CLPSL2: variants seen among roughly 807,000 people sequenced by gnomAD.
CLPSL2 encodes colipase-like protein 2.
Under a neutral mutation model 7.9 loss-of-function variants are expected in CLPSL2, and 4 were observed. That is an observed-to-expected ratio of 0.50 (90% confidence interval 0.25 to 1.15). The LOEUF (loss-of-function observed/expected upper bound fraction) is 1.15, where lower values mean the gene tolerates loss of function less well. Among genes scored for constraint, CLPSL2 ranks in the 50% most tolerant of loss-of-function variants. The pLI is 0.15. For synonymous variants in CLPSL2, 67 were observed against 53.1 expected, an observed-to-expected ratio of 1.26 and a Z score of -1.14; for missense variants, 132 against 136.6, an observed-to-expected ratio of 0.97 and a Z score of 0.17.
Position 35,776,722 on chromosome 6 carries a change from C to T in CLPSL2, c.84+20C>T. On this transcript the variant is annotated intron_variant, in intron 1 of 2. Transcript: ENST00000403376. ...AAAAAGGTGAGCCGGGGAGCGCGCCCAGCCGGCCGCGACCGCAGGAGAGGG... is the reference window on the plus strand; with the variant it reads ...AAAAAGGTGAGCCGGGGAGCGCGCCTAGCCGGCCGCGACCGCAGGAGAGGG... 7.3e-7 allele frequency: 1 copy of T among 1,367,534 alleles called. No homozygotes were observed. The highest frequency in any genetic ancestry group is 9.4e-7 in the Non-Finnish European group (1 of 1,064,802). The allele number at this position is 1,367,534 out of a possible 1,614,324, so 84.7% of individuals were successfully genotyped here.
chr6:35,779,330 C>G (rs9470092), intron 2 of CLPSL2, 25 bp from the exon 3 acceptor site: 48,507 of 1,528,858 alleles, frequency 0.032, 941 homozygotes, highest in Middle Eastern at 0.078. Flanking sequence ...TGGTGACTCC[C>G]GATTCTCATA....
At chr6:35,777,817 C>T (rs769877959) in intron 2 of CLPSL2, 61 of 717,562 alleles carry the variant, frequency 8.5e-5, no homozygotes, top group Non-Finnish European at 1.4e-4. Context: ...ATGTATCTCC[C>T]TAACTGGCCA....
At position 35,777,398 on chromosome 6, in the gene CLPSL2, A is replaced by T. The variant is rs117206330; in HGVS notation, c.85-61A>T. 1,188 of 1,580,210 alleles carry T rather than the reference A, an allele frequency of 7.5e-4. 15 individuals carry two copies. The East Asian group carries it at 0.025, about 33-fold the overall frequency. On this transcript the variant is annotated intron_variant, in intron 1 of 2. Coordinates refer to ENST00000403376, the MANE Select transcript of CLPSL2 (RefSeq NM_207409.4). ...TTGGCAATGGTGGGAACCCTCCCCT[A>T]CCCGCCCACACGACTCAGGGATTGC... is the stretch of plus-strand genomic sequence containing the variant.
intron 2 of CLPSL2, 182 bp downstream of exon 2, chr6:35,777,763 C>T: frequency 1.4e-6 from 1 of 729,204 alleles, no homozygotes. Context: ...GAAGGCTTCC[C>T]TCCTTGGAGC....
intron 2 of CLPSL2, among the ~76,000 whole-genome samples, chr6:35,778,901 C>T (rs1321271027): frequency 6.6e-6 from 1 of 152,112 alleles, no homozygotes; most frequent in East Asian, 1.9e-4. Flanking sequence ...TCAAGCAATT[C>T]CTCTGCCTCA....
At chr6:35,776,730 C>T (rs768211863) in intron 1 of CLPSL2, 28 bp downstream of exon 1, 11 of 1,361,394 alleles carry the variant, frequency 8.1e-6, no homozygotes, top group Non-Finnish European at 1.0e-5. Context: ...CCCAGCCGGC[C>T]GCGACCGCAG....
intron 2 of CLPSL2, 67 bp downstream of exon 2, chr6:35,777,648 A>T (rs1767871442): frequency 1.4e-6 from 2 of 1,446,518 alleles, no homozygotes; most frequent in Admixed American, 2.4e-5. Context: ...AAAAAAAAAC[A>T]CCTGGCCCCA....
At chr6:35,777,713 C>T in intron 2 of CLPSL2, 132 bp downstream of exon 2, 1 of 1,082,264 alleles carries the variant, frequency 9.2e-7, no homozygotes, top group Non-Finnish European at 1.3e-6. Flanking sequence ...TTGGCAAACT[C>T]CTACTCATGG....
At chr6:35,778,682 G>A (rs952921148) in intron 2 of CLPSL2, among the ~76,000 whole-genome samples, 1 of 152,260 alleles carries the variant, frequency 6.6e-6, no homozygotes, top group Non-Finnish European at 1.5e-5. Flanking sequence ...ACCTTTCTAG[G>A]ATGGATGGAC....
In CLPSL2 at chr6:35,779,367, AC is replaced by A; in HGVS notation, c.222del (p.Asn75ThrfsTer10). ...MICLPQTKGA[T>X]NIICPCRMGL... is the part of the protein sequence containing the mutation. ...CCACTCCCTGCAGACCAAGGGAGCT[AC>A]CAACATCATCTGCCCTTGCCGGATG... On this transcript the variant is annotated frameshift_variant, in exon 3 of 3. Coordinates refer to ENST00000403376, the MANE Select transcript of CLPSL2 (RefSeq NM_207409.4). LOFTEE classifies it low-confidence loss of function (END_TRUNC). 2 of 1,573,658 alleles carry A rather than the reference AC, an allele frequency of 1.3e-6. No homozygotes were observed. Among genetic ancestry groups the A allele is most frequent in the African/African-American group, 1.3e-5 (1 of 74,240 alleles).
rs1303384466 is a variant in CLPSL2, at chr6:35,776,692, A to G, written c.74A>G (p.Gln25Arg). The G allele has an allele frequency of 3.4e-6, 5 of 1,457,590 alleles. No homozygotes were observed. The highest frequency in any genetic ancestry group is 4.5e-6 in the Non-Finnish European group (5 of 1,113,130). The allele number at this position is 1,457,590 out of a possible 1,614,324, so 90.3% of individuals were successfully genotyped here. ...CTGCCCCTCTGGAGCGCGCTTCCGC[A>G]ATATAAAAAGGTGAGCCGGGGAGCG... The part of the protein sequence containing the change: ...AVLPLWSALP[Q>R]YKKKITDRCF... Residue 25 changes from glutamine (Q) to arginine (R), a missense_variant, in exon 1 of 3, where the codon CAA becomes CGA. Gln to Arg is a conservative substitution (Grantham distance 43). Coordinates refer to ENST00000403376, the MANE Select transcript of CLPSL2 (RefSeq NM_207409.4).
intron 1 of CLPSL2, 60 bp from the exon 2 acceptor site, chr6:35,777,399 C>T: frequency 1.3e-6 from 2 of 1,496,680 alleles, no homozygotes; most frequent in African/African-American, 2.7e-5. Flanking sequence ...CCCTCCCCTA[C>T]CCGCCCACAC....
At chr6:35,779,318 C>T in intron 2 of CLPSL2, 37 bp from the exon 3 acceptor site, 1 of 1,507,240 alleles carries the variant, frequency 6.6e-7, no homozygotes, top group Non-Finnish European at 9.0e-7. Context: ...CTTCCTGCAT[C>T]CTGGTGACTC....
intron 2 of CLPSL2, chr6:35,777,987 G>T (rs142385981): frequency 1.7e-5 from 12 of 697,072 alleles, no homozygotes; most frequent in Non-Finnish European, 2.9e-5. Flanking sequence ...ATGGAGTCTC[G>T]CTCTGTCACC....
chr6:35,776,641 T>A lies in CLPSL2; in HGVS notation c.23T>A (p.Val8Glu). The A allele has an allele frequency of 6.7e-7, 1 of 1,497,288 alleles. No individual in the cohort carries two copies. The highest frequency in any genetic ancestry group is 1.2e-5 in the South Asian group (1 of 80,672). The allele number at this position is 1,497,288 out of a possible 1,614,324, so 92.8% of individuals were successfully genotyped here. The change falls in exon 1 of 3, where the codon GTG (valine) becomes GAG (glutamate). Residue 8 changes from valine (V) to glutamate (E), a missense_variant. Val to Glu is a moderately radical substitution (Grantham distance 121). Coordinates refer to ENST00000403376, the MANE Select transcript of CLPSL2 (RefSeq NM_207409.4). ...CCCATGGCCGCAGCCCTGGCGCTCG[T>A]GGCGGGGGTCCTGTCGGGGGCGGTG... is the stretch of plus-strand genomic sequence containing the variant. The part of the protein sequence containing the change: MAAALAL[V>E]AGVLSGAVLP...
chr6:35,776,651 C>G lies in CLPSL2; in HGVS notation c.33C>G (p.Val11=). MAAALALVAG[V]LSGAVLPLWS... is the part of the protein sequence containing the mutation. ...CAGCCCTGGCGCTCGTGGCGGGGGTCCTGTCGGGGGCGGTGCTGCCCCTCT... is the reference window on the plus strand; with the variant it reads ...CAGCCCTGGCGCTCGTGGCGGGGGTGCTGTCGGGGGCGGTGCTGCCCCTCT... Residue 11 remains valine (V), a synonymous_variant, in exon 1 of 3, where the codon GTC becomes GTG. Transcript: ENST00000403376. The G allele has an allele frequency of 6.7e-7, 1 of 1,495,662 alleles. No homozygotes were observed. Among genetic ancestry groups the G allele is most frequent in the Non-Finnish European group, 8.8e-7 (1 of 1,130,112 alleles). The allele number at this position is 1,495,662 out of a possible 1,614,324, so 92.6% of individuals were successfully genotyped here. A position where few individuals can be genotyped will look rare whatever the true frequency, so the allele number is the denominator to read the frequency against.
intron 2 of CLPSL2, 25 bp downstream of exon 2, chr6:35,777,606 T>A: frequency 6.2e-7 from 1 of 1,600,706 alleles, no homozygotes; most frequent in African/African-American, 1.3e-5. Context: ...TGGGGCAACT[T>A]CTGGCAAGTA....
Position 35,777,452 on chromosome 6 carries a change from C to T in CLPSL2, c.85-7C>T. 2 of 1,613,244 alleles carry T rather than the reference C, an allele frequency of 1.2e-6. No individual in the cohort carries two copies. Among genetic ancestry groups the T allele is most frequent in the Non-Finnish European group, 1.7e-6 (2 of 1,179,614 alleles). Reference sequence around the variant, plus strand: ...CAGCCTGGCAGACATTCTGCCTGTCCCCACAGAAAATCACAGACAGGTGCT... The same window carrying T: ...CAGCCTGGCAGACATTCTGCCTGTCTCCACAGAAAATCACAGACAGGTGCT... On this transcript the variant is annotated splice_region_variant and splice_polypyrimidine_tract_variant and intron_variant, in intron 1 of 2. Coordinates refer to ENST00000403376, the MANE Select transcript of CLPSL2 (RefSeq NM_207409.4).
chr6:35,779,349 C>T lies in CLPSL2; in HGVS notation c.208-6C>T. 1 of 1,553,032 alleles carries T rather than the reference C, an allele frequency of 6.4e-7. No homozygotes were observed. Among genetic ancestry groups the T allele is most frequent in the Non-Finnish European group, 8.7e-7 (1 of 1,143,070 alleles). On this transcript the variant is annotated splice_polypyrimidine_tract_variant and splice_region_variant and intron_variant, in intron 2 of 2. Transcript: ENST00000403376. ...GACTCCCGATTCTCATACCCACTCC[C>T]TGCAGACCAAGGGAGCTACCAACAT...
Sources: allele counts gnomAD v4.1 joint callset (sites outside exome capture counted in the v4.1 genomes callset), GRCh38; gene constraint gnomAD v4.1.1; transcripts MANE v1.5; gene names NCBI Gene and HGNC (gene_info 2026-07-23, HGNC 2026-07-21).